The following RALYL variants were observed in gnomAD, a reference collection of about 807,000 sequenced individuals.
RALYL encodes the protein RALY RNA binding protein like.
In RALYL, 29 loss-of-function variants were observed where a neutral mutation model predicts 35.1. That is an observed-to-expected ratio of 0.83 (90% CI 0.61 to 1.13). The LOEUF (loss-of-function observed/expected upper bound fraction) is 1.13, where lower values mean the gene tolerates loss of function less well. Ranked by LOEUF, RALYL falls within the 50% of genes most tolerant of loss-of-function variation. The probability of loss-of-function intolerance (pLI) is 0.00; values close to 1 mark genes in which losing one functional copy is unlikely to be tolerated. For missense variants in RALYL, 359 were observed against 360.4 expected (o/e 1.00, Z 0.03); for synonymous variants, 120 against 127.6 (o/e 0.94, Z 0.40).
intron 1 of RALYL, among the ~76,000 whole-genome samples, chr8:84,389,544 G>C (rs1483169591): frequency 6.6e-6 from 1 of 150,478 alleles, no homozygotes; most frequent in Non-Finnish European, 1.5e-5. Context: ...AGTTCTCCTT[G>C]AAGAGGTCCT....
intron 2 of RALYL, among the ~76,000 whole-genome samples, chr8:84,738,719 A>T (rs1847767030): frequency 6.6e-6 from 1 of 151,950 alleles, no homozygotes; most frequent in South Asian, 2.1e-4. Flanking sequence ...GTAAACCATA[A>T]CTCTAGATAT....
chr8:84,325,993 T>G (rs1428124028), intron 1 of RALYL, among the ~76,000 whole-genome samples: 1 of 152,096 alleles, frequency 6.6e-6, no homozygotes, highest in Admixed American at 6.6e-5. Flanking sequence ...ATGCCTGTGG[T>G]CTCAGCTACT....
intron 1 of RALYL, among the ~76,000 whole-genome samples, chr8:84,466,286 A>C (rs2051622449): frequency 7.0e-6 from 1 of 142,508 alleles, no homozygotes; most frequent in Non-Finnish European, 1.5e-5. Flanking sequence ...GGTTTGTCAT[A>C]GATAGCTCTT....
chr8:84,610,663 C>T (rs1371933897), intron 2 of RALYL, among the ~76,000 whole-genome samples: 3 of 152,090 alleles, frequency 2.0e-5, no homozygotes, highest in African/African-American at 7.2e-5. Flanking sequence ...GGAGTATCTA[C>T]ATAATTTATC....
intron 1 of RALYL, among the ~76,000 whole-genome samples, chr8:84,391,022 C>G (rs1335086202): frequency 2.0e-5 from 3 of 152,022 alleles, no homozygotes; most frequent in Non-Finnish European, 2.9e-5. Context: ...GGCTGCACAT[C>G]TCTGCAGCTC....
At chr8:84,223,431 G>C (rs1042275790) in intron 1 of RALYL, among the ~76,000 whole-genome samples, 1 of 152,090 alleles carries the variant, frequency 6.6e-6, no homozygotes, top group Non-Finnish European at 1.5e-5. Context: ...GTGGCACTTA[G>C]GGATGACAGG....
intron 4 of RALYL, among the ~76,000 whole-genome samples, chr8:84,826,758 G>T (rs562172488): frequency 6.6e-6 from 1 of 151,240 alleles, no homozygotes; most frequent in Non-Finnish European, 1.5e-5. Flanking sequence ...ACACACATAC[G>T]CCCAAACACA....
At chr8:84,221,106 G>A (rs1822096713) in intron 1 of RALYL, among the ~76,000 whole-genome samples, 1 of 151,852 alleles carries the variant, frequency 6.6e-6, no homozygotes, top group Non-Finnish European at 1.5e-5. Flanking sequence ...AAGTAAATAG[G>A]CTTTGAGACT....
chr8:84,450,766 CTTA>C (rs1212988600), intron 1 of RALYL, among the ~76,000 whole-genome samples: 2 of 151,742 alleles, frequency 1.3e-5, no homozygotes, highest in Non-Finnish European at 2.9e-5. Flanking sequence ...TAAGTCATGT[CTTA>C]TTATGGTTAA....
intron 2 of RALYL, among the ~76,000 whole-genome samples, chr8:84,651,647 T>C (rs1828855125): frequency 6.6e-6 from 1 of 152,054 alleles, no homozygotes; most frequent in Non-Finnish European, 1.5e-5. Context: ...TTACAGACTT[T>C]GGAATTGACA....
chr8:84,577,494 A>G (rs1809748518), intron 2 of RALYL, among the ~76,000 whole-genome samples: 2 of 152,220 alleles, frequency 1.3e-5, no homozygotes, highest in Admixed American at 6.5e-5. Context: ...GCTAAAATAT[A>G]TACAGATTTA....
rs16912506 is a variant in RALYL, at chr8:84,186,630, A to G, written c.-24+2206A>G. On this transcript the variant is annotated intron_variant, in intron 1 of 8. Coordinates refer to ENST00000521268, the MANE Select transcript of RALYL (RefSeq NM_173848.7). Reference sequence around the variant, plus strand: ...TAGCTGTACTGTGTGATATTTCCCAATGAGATTGAAACAATTAATGGGACC... The same window carrying G: ...TAGCTGTACTGTGTGATATTTCCCAGTGAGATTGAAACAATTAATGGGACC... 7.5e-3 allele frequency among the ~76,000 whole-genome samples: 1,136 copies of G among 152,276 alleles called. 13 individuals carry two copies. The highest frequency in any genetic ancestry group is 0.026 in the African/African-American group (1,090 of 41,570).
At chr8:84,193,770 C>T (rs1468537829) in intron 1 of RALYL, among the ~76,000 whole-genome samples, 2 of 152,284 alleles carry the variant, frequency 1.3e-5, no homozygotes, top group East Asian at 1.9e-4. Context: ...CATCACTTCT[C>T]TAGGAACACT....
At chr8:84,670,465 C>T (rs1832990576) in intron 2 of RALYL, among the ~76,000 whole-genome samples, 1 of 152,144 alleles carries the variant, frequency 6.6e-6, no homozygotes, top group South Asian at 2.1e-4. Flanking sequence ...ATGCCTTACA[C>T]CAATGTATTA....
chr8:84,233,636 G>A (rs571706208), intron 1 of RALYL, among the ~76,000 whole-genome samples: 3 of 152,242 alleles, frequency 2.0e-5, no homozygotes, highest in African/African-American at 7.2e-5. Context: ...GGAGTTTTGG[G>A]TGAACTTTCC....
intron 1 of RALYL, among the ~76,000 whole-genome samples, chr8:84,495,923 C>A (rs1037883299): frequency 3.3e-5 from 5 of 152,030 alleles, no homozygotes; most frequent in African/African-American, 1.2e-4. Flanking sequence ...GCCAAATAGA[C>A]CACTTAACTA....
chr8:84,805,007 T>C (rs1824253380), intron 4 of RALYL, among the ~76,000 whole-genome samples: 1 of 152,202 alleles, frequency 6.6e-6, no homozygotes, highest in Admixed American at 6.5e-5. Flanking sequence ...CTAATGAATG[T>C]ATATGAAATC....
chr8:84,757,626 A>G (rs1811741379), intron 2 of RALYL, among the ~76,000 whole-genome samples: 1 of 151,432 alleles, frequency 6.6e-6, no homozygotes, highest in Admixed American at 6.6e-5. Flanking sequence ...AGAATTAAAA[A>G]GAGGGATGGA....
chr8:84,909,267 G>A (rs937906372), intron 8 of RALYL, among the ~76,000 whole-genome samples: 1 of 152,130 alleles, frequency 6.6e-6, no homozygotes, highest in East Asian at 1.9e-4. Flanking sequence ...TTGTAGAGAA[G>A]CTGCCAGGCT....
Sources: gnomAD v4.1 joint callset for allele counts (sites outside exome capture counted in the v4.1 genomes callset) on GRCh38, gnomAD v4.1.1 for gene constraint, MANE v1.5 for transcripts, NCBI Gene and HGNC (gene_info 2026-07-23, HGNC 2026-07-21) for gene names.